Variants in ATRNL1 observed in about 807,000 individuals in gnomAD.
The protein encoded by ATRNL1 is attractin-like protein 1.
A neutral mutation model predicts 182.7 loss-of-function variants in ATRNL1; 95 were observed. The ratio of observed to expected loss-of-function variants is 0.52; its 90% confidence interval spans 0.44 to 0.62. ATRNL1 has a LOEUF of 0.62. ATRNL1 is among the 20% of genes least tolerant of loss of function. ATRNL1 has a pLI of 0.00. For synonymous variants in ATRNL1, 576 were observed against 568.3 expected (o/e 1.01, Z -0.19); for missense variants, 1,471 against 1,679.5 (o/e 0.88, Z 2.17).
At chr10:115,806,946 A>T (rs1206996814) in intron 27 of ATRNL1, among the ~76,000 whole-genome samples, 1 of 152,152 alleles carries the variant, frequency 6.6e-6, no homozygotes, top group Non-Finnish European at 1.5e-5. Context: ...AAGAAAAATC[A>T]TCTTACTTTA....
chr10:115,457,550 A>C (rs1847586070), intron 21 of ATRNL1, among the ~76,000 whole-genome samples: 1 of 151,822 alleles, frequency 6.6e-6, no homozygotes, highest in African/African-American at 2.4e-5. Flanking sequence ...CAGTCTATTT[A>C]CTTTCCCTCT....
At chr10:115,476,100 A>AT (rs1848519012) in intron 24 of ATRNL1, among the ~76,000 whole-genome samples, 1 of 151,248 alleles carries the variant, frequency 6.6e-6, no homozygotes, top group Non-Finnish European at 1.5e-5. Context: ...CATTTTACAC[A>AT]TTTTGGTATG....
At chr10:115,736,642 C>T (rs2907549) in intron 27 of ATRNL1, among the ~76,000 whole-genome samples, 149,149 of 152,210 alleles carry the variant, frequency 0.98, 73,136 homozygotes, top group Middle Eastern at 1. Flanking sequence ...GCTAGTGACC[C>T]AAAGAATGCT....
chr10:115,523,720 T>C (rs1177617376), intron 25 of ATRNL1, among the ~76,000 whole-genome samples: 2 of 152,232 alleles, frequency 1.3e-5, no homozygotes, highest in Non-Finnish European at 2.9e-5. Flanking sequence ...TTACTGTCTA[T>C]ATTTCAATCA....
chr10:115,770,342 C>A (rs1948959095), intron 27 of ATRNL1, among the ~76,000 whole-genome samples: 1 of 151,960 alleles, frequency 6.6e-6, no homozygotes, highest in Admixed American at 6.6e-5. Flanking sequence ...TAAGAGATAA[C>A]TTGAGTACAG....
chr10:115,890,798 G>A (rs1286419511), intron 28 of ATRNL1, among the ~76,000 whole-genome samples: 4 of 152,098 alleles, frequency 2.6e-5, no homozygotes, highest in African/African-American at 4.8e-5. Context: ...TGACACCTTC[G>A]GTTTACAGGT....
intron 5 of ATRNL1, among the ~76,000 whole-genome samples, chr10:115,144,957 A>G (rs185406717): frequency 1.3e-5 from 2 of 152,200 alleles, no homozygotes; most frequent in African/African-American, 4.8e-5. Flanking sequence ...TTAGGCAACT[A>G]TTTACATATT....
intron 26 of ATRNL1, among the ~76,000 whole-genome samples, chr10:115,685,522 CA>C (rs1341230240): frequency 1.3e-5 from 2 of 151,742 alleles, no homozygotes; most frequent in African/African-American, 2.4e-5. Context: ...CTGTGAAATC[CA>C]AAATGTGAGA....
At chr10:115,472,154 C>A in intron 24 of ATRNL1, among the ~76,000 whole-genome samples, 1 of 150,728 alleles carries the variant, frequency 6.6e-6, no homozygotes, top group East Asian at 1.9e-4. Flanking sequence ...GATCAGTTGA[C>A]GCTGTCTATG....
chr10:115,210,200 A>G (rs1290559582), intron 8 of ATRNL1, among the ~76,000 whole-genome samples: 2 of 152,036 alleles, frequency 1.3e-5, no homozygotes, highest in African/African-American at 4.8e-5. Flanking sequence ...ATTGTAAGAA[A>G]TAATGAAAGT....
At chr10:115,903,765 T>C (rs567836379) in intron 28 of ATRNL1, among the ~76,000 whole-genome samples, 2 of 152,050 alleles carry the variant, frequency 1.3e-5, no homozygotes, top group South Asian at 2.1e-4. Context: ...ATACTTCCTA[T>C]GTTGTGAAGT....
chr10:115,543,170 T>C (rs1852457708), intron 25 of ATRNL1, among the ~76,000 whole-genome samples: 2 of 152,294 alleles, frequency 1.3e-5, no homozygotes, highest in South Asian at 2.1e-4. Context: ...CTAATAGTGC[T>C]CCTAAGGTAC....
chr10:115,630,218 T>G (rs1858392550), intron 26 of ATRNL1, among the ~76,000 whole-genome samples: 1 of 152,066 alleles, frequency 6.6e-6, no homozygotes, highest in Admixed American at 6.6e-5. Context: ...AATAGGCATT[T>G]TCCCAAAGAA....
At position 115,328,563 on chromosome 10, in the gene ATRNL1, C is replaced by T. The variant is rs991335842; in HGVS notation, c.3038-5719C>T. Among the ~76,000 whole-genome samples, 82 of 152,088 alleles carry T rather than the reference C, an allele frequency of 5.4e-4. 1 individual carries two copies. The highest frequency in any genetic ancestry group is 2.0e-3 in the African/African-American group (82 of 41,420). ...GTGTAATATTGTATGCATTAACCAA[C>T]ATGTCCCTATCTCCCCCTCCTCCTA... On this transcript the variant is annotated intron_variant, in intron 18 of 28. Transcript: ENST00000355044.
At chr10:115,536,347 T>C in intron 25 of ATRNL1, among the ~76,000 whole-genome samples, 1 of 152,182 alleles carries the variant, frequency 6.6e-6, no homozygotes, top group East Asian at 1.9e-4. Context: ...CGCTGTTGCC[T>C]AGCAGTTTGA....
intron 8 of ATRNL1, among the ~76,000 whole-genome samples, chr10:115,200,755 G>A (rs1848538469): frequency 1.4e-5 from 2 of 142,678 alleles, no homozygotes; most frequent in African/African-American, 5.3e-5. Context: ...TAATGGGATG[G>A]CTGGGTCAAA....
At chr10:115,223,927 A>ATTTTTTTT (rs1849582902) in intron 9 of ATRNL1, among the ~76,000 whole-genome samples, 1 of 38,166 alleles carries the variant, frequency 2.6e-5, no homozygotes, top group Non-Finnish European at 6.6e-5. Flanking sequence ...ATATATATAT[A>ATTTTTTTT]TATTTTTTTT....
Position 115,266,996 on chromosome 10 carries a change from CCTAAAA to C in ATRNL1, c.1974_1979del (p.Lys659_Thr660del). 6.3e-7 allele frequency: 1 copy of C among 1,597,422 alleles called. No homozygotes were observed. Among genetic ancestry groups the C allele is most frequent in the Non-Finnish European group, 8.5e-7 (1 of 1,169,730 alleles). On this transcript the variant is annotated inframe_deletion, in exon 12 of 29. Transcript: ENST00000355044. ...TAATATTCTTAGAGCAAAGTGCCCT[CCTAAAA>C]CAGGTAAATTTCTTTTTCTTTTCGT...
chr10:115,100,318 A>G (rs1213649404), intron 1 of ATRNL1, among the ~76,000 whole-genome samples: 1 of 152,150 alleles, frequency 6.6e-6, no homozygotes, highest in Non-Finnish European at 1.5e-5. Flanking sequence ...AAAATAAAAA[A>G]AAAAAGAAAA....
Sources: gnomAD v4.1 joint callset for allele counts (sites outside exome capture counted in the v4.1 genomes callset) on GRCh38, gnomAD v4.1.1 for gene constraint, MANE v1.5 for transcripts, NCBI Gene and HGNC (gene_info 2026-07-23, HGNC 2026-07-21) for gene names.